The following ASIP variants were observed in gnomAD, a reference collection of about 807,000 sequenced individuals.
The protein encoded by ASIP is agouti-signaling protein.
ASIP carries 11 observed loss-of-function variants against 10.3 expected under a neutral mutation model. The observed-to-expected ratio is 1.07, with a 90% CI of 0.68 to 1.78. ASIP has a LOEUF of 1.78. Ranked by LOEUF, ASIP falls within the 40% of genes most tolerant of loss-of-function variation. ASIP has a pLI of 0.00. For synonymous variants in ASIP, 70 were observed against 70.8 expected, an observed-to-expected ratio of 0.99 and a Z score of 0.06; for missense variants, 180 against 169.2, an observed-to-expected ratio of 1.06 and a Z score of -0.35.
Position 34,269,257 on chromosome 20 carries a change from G to C in ASIP, c.*90G>C. The C allele has an allele frequency of 7.1e-7, 1 of 1,400,674 alleles. No individual in the cohort carries two copies. Among genetic ancestry groups the C allele is most frequent in the South Asian group, 1.5e-5 (1 of 65,626 alleles). 86.8% of individuals were successfully genotyped at this position (1,400,674 alleles called of 1,614,324 possible). On this transcript the variant is annotated 3_prime_UTR_variant, in exon 4 of 4. Coordinates refer to ENST00000374954, the MANE Select transcript of ASIP (RefSeq NM_001672.3). ...GATCCCTAACAGGGCGGCTTCCCAG[G>C]GCTGCAGGCGGGCGGAGGTTCCAGG...
At chr20:34,227,066 A>G (rs1457054406) in intron 1 of ASIP, among the ~76,000 whole-genome samples, 1 of 152,242 alleles carries the variant, frequency 6.6e-6, no homozygotes, top group Non-Finnish European at 1.5e-5. Flanking sequence ...TTTATTTGCA[A>G]AAGACATGAT....
chr20:34,219,917 G>A (rs932788630), intron 1 of ASIP, among the ~76,000 whole-genome samples: 7 of 152,124 alleles, frequency 4.6e-5, no homozygotes, highest in South Asian at 2.1e-4. Context: ...GTGAAACCCC[G>A]TCTCTACTAA....
At chr20:34,222,279 TAA>T (rs1224329319) in intron 1 of ASIP, among the ~76,000 whole-genome samples, 1 of 144,392 alleles carries the variant, frequency 6.9e-6, no homozygotes. Context: ...GAAGGATAAT[TAA>T]AAAAAAAAAG....
chr20:34,200,114 C>T (rs760819955), intron 1 of ASIP, among the ~76,000 whole-genome samples: 1 of 152,180 alleles, frequency 6.6e-6, no homozygotes. Context: ...ATTTGGATCA[C>T]ATTTATACAG....
At chr20:34,239,218 A>G (rs1026072323), upstream of ASIP, among the ~76,000 whole-genome samples, 7 of 150,148 alleles carry the variant, frequency 4.7e-5, no homozygotes, top group African/African-American at 1.7e-4. Context: ...TTCTCCTCCC[A>G]ACCCCATGTT....
chr20:34,269,018 C>A lies in ASIP; in HGVS notation c.250C>A (p.Arg84=). 1.2e-6 allele frequency: 2 copies of A among 1,607,654 alleles called. No homozygotes were observed. Among genetic ancestry groups the A allele is most frequent in the Non-Finnish European group, 1.7e-6 (2 of 1,177,734 alleles). The change falls in exon 4 of 4, where the codon CGG becomes AGG. Residue 84 remains arginine (R), a synonymous_variant. Coordinates refer to ENST00000374954, the MANE Select transcript of ASIP (RefSeq NM_001672.3). ...KKEASMKKVV[R]PRTPLSAPCV... ...GGAGGCTTCGATGAAGAAAGTGGTG[C>A]GGCCCCGGACCCCCCTATCTGCGCC... is the stretch of plus-strand genomic sequence containing the variant.
chr20:34,254,070 GT>G (rs1183681869), intron 1 of ASIP, among the ~76,000 whole-genome samples: 5 of 147,378 alleles, frequency 3.4e-5, no homozygotes, highest in Admixed American at 6.8e-5. Context: ...GTTTTGTTTC[GT>G]TTTTTTTTTG....
chr20:34,249,348 AT>A (rs76656714), intron 1 of ASIP, among the ~76,000 whole-genome samples: 17,387 of 150,240 alleles, frequency 0.12, 1,073 homozygotes, highest in South Asian at 0.19. Context: ...GAGATATCCG[AT>A]GCCCAGAGCC....
chr20:34,255,162 C>T (rs1270364929), intron 1 of ASIP, among the ~76,000 whole-genome samples: 1 of 152,114 alleles, frequency 6.6e-6, no homozygotes, highest in African/African-American at 2.4e-5. Context: ...GGACTTTGGC[C>T]AGTCCATGGA....
rs1194648388 is a variant in ASIP, at chr20:34,268,914, G to A, written c.223-77G>A. On this transcript the variant is annotated intron_variant, in intron 3 of 3. Coordinates refer to ENST00000374954, the MANE Select transcript of ASIP (RefSeq NM_001672.3). ...CTCTGGTCCGGGATCTCCCTAGCCC[G>A]AGGAGCTCCCAGGCAGAGGTGAGGA... The A allele has an allele frequency of 1.4e-5, 21 of 1,525,840 alleles. No individual in the cohort carries two copies. The African/African-American group carries it at 2.2e-4, about 16-fold the overall frequency. The allele number at this position is 1,525,840 out of a possible 1,614,324, so 94.5% of individuals were successfully genotyped here.
At chr20:34,191,667 G>A (rs1294465725), upstream of ASIP, among the ~76,000 whole-genome samples, 3 of 150,696 alleles carry the variant, frequency 2.0e-5, no homozygotes, top group South Asian at 2.1e-4. Context: ...TTCTTTCTTC[G>A]CTTTATTTCC....
intron 1 of ASIP, among the ~76,000 whole-genome samples, chr20:34,196,808 T>C (rs2034860488): frequency 6.6e-6 from 1 of 152,122 alleles, no homozygotes; most frequent in African/African-American, 2.4e-5. Context: ...AATGGGAGTG[T>C]TATGGAGGGC....
chr20:34,201,017 C>CTTCCTTCCTTCTTTCTTTCTTTCT (rs751841818), intron 1 of ASIP, among the ~76,000 whole-genome samples: 20 of 63,242 alleles, frequency 3.2e-4, no homozygotes, highest in East Asian at 9.4e-4. Flanking sequence ...TCCTTCCTTC[C>CTTCCTTCCTTCTTTCTTTCTTTCT]TTCTTTCTTT....
intron 3 of ASIP, among the ~76,000 whole-genome samples, chr20:34,267,125 T>G (rs2035799479): frequency 6.6e-6 from 1 of 152,180 alleles, no homozygotes; most frequent in African/African-American, 2.4e-5. Context: ...TGCTAAGCAC[T>G]GGGAACATAG....
intron 3 of ASIP, among the ~76,000 whole-genome samples, chr20:34,268,142 C>T (rs2035820069): frequency 6.6e-6 from 1 of 152,094 alleles, no homozygotes; most frequent in South Asian, 2.1e-4. Context: ...AATTCAGTTT[C>T]TAGGTTGCAC....
chr20:34,198,451 A>G (rs1280570345), intron 1 of ASIP, among the ~76,000 whole-genome samples: 1 of 151,334 alleles, frequency 6.6e-6, no homozygotes, highest in Non-Finnish European at 1.5e-5. Flanking sequence ...GCCTGGATAC[A>G]CTTTTATTTT....
intron 1 of ASIP, among the ~76,000 whole-genome samples, 173 bp from the exon 2 acceptor site, chr20:34,260,192 C>G (rs2035665057): frequency 6.6e-6 from 1 of 152,080 alleles, no homozygotes; most frequent in Admixed American, 6.6e-5. Flanking sequence ...CTTCTCTCTT[C>G]TTCCCTCATC....
chr20:34,244,752 T>C (rs2035341549), intron 1 of ASIP, among the ~76,000 whole-genome samples: 1 of 152,232 alleles, frequency 6.6e-6, no homozygotes, highest in Non-Finnish European at 1.5e-5. Context: ...TTAAGGCTTT[T>C]AGCATACTTT....
chr20:34,195,465 C>G (rs1339660354), intron 1 of ASIP, among the ~76,000 whole-genome samples: 1 of 152,190 alleles, frequency 6.6e-6, no homozygotes, highest in South Asian at 2.1e-4. Flanking sequence ...CCACAGGGAT[C>G]TCATTAAGGA....
Sources: allele counts gnomAD v4.1 joint callset (sites outside exome capture counted in the v4.1 genomes callset), GRCh38; gene constraint gnomAD v4.1.1; transcripts MANE v1.5; gene names NCBI Gene and HGNC (gene_info 2026-07-23, HGNC 2026-07-21).